NKAIN3: variants seen among roughly 807,000 people sequenced by gnomAD.
The protein encoded by NKAIN3 is sodium/potassium-transporting ATPase subunit beta-1-interacting protein 3.
A neutral mutation model predicts 30.2 loss-of-function variants in NKAIN3; 25 were observed. The ratio of observed to expected loss-of-function variants is 0.83; its 90% confidence interval spans 0.60 to 1.16. The LOEUF (loss-of-function observed/expected upper bound fraction) is 1.16. Among genes scored for constraint, NKAIN3 ranks in the 50% most tolerant of loss-of-function variants. The pLI is 0.00. For missense variants in NKAIN3, 225 were observed against 254.1 expected (o/e 0.89, Z 0.78); for synonymous variants, 91 against 89.6 (o/e 1.02, Z -0.09).
chr8:62,622,293 A>G (rs142070811), intron 3 of NKAIN3, among the ~76,000 whole-genome samples: 1 of 152,162 alleles, frequency 6.6e-6, no homozygotes, highest in Non-Finnish European at 1.5e-5. Context: ...TTTCTCTGTG[A>G]TAAATGCCCG....
Position 62,965,884 on chromosome 8 carries a change from A to T in NKAIN3, c.*477A>T. 9 of 985,338 alleles carry T rather than the reference A, an allele frequency of 9.1e-6. No homozygotes were observed. The South Asian group carries it at 4.2e-4, about 46-fold the overall frequency. The allele number at this position is 985,338 out of a possible 1,614,324, so 61.0% of individuals were successfully genotyped here. On this transcript the variant is annotated 3_prime_UTR_variant, in exon 7 of 7. Transcript: ENST00000623646. Reference sequence around the variant, plus strand: ...CTGTGACAGCTGATAAATAGGTACAAATAATGGATCCAGCTTTTGGATTGA... The same window carrying T: ...CTGTGACAGCTGATAAATAGGTACATATAATGGATCCAGCTTTTGGATTGA...
chr8:62,786,171 T>G (rs540582168), intron 4 of NKAIN3, among the ~76,000 whole-genome samples: 12 of 152,066 alleles, frequency 7.9e-5, no homozygotes, highest in Admixed American at 3.9e-4. Context: ...AAAATGGAGA[T>G]AGATGATACT....
At chr8:62,997,458 A>G (rs1001481168) in intron 5 of NKAIN3, among the ~76,000 whole-genome samples, 6 of 152,176 alleles carry the variant, frequency 3.9e-5, no homozygotes, top group African/African-American at 1.4e-4. Flanking sequence ...TCAATAATAC[A>G]CAAGGCACTT....
intron 3 of NKAIN3, among the ~76,000 whole-genome samples, chr8:62,607,162 A>G (rs562996232): frequency 1.3e-5 from 2 of 152,312 alleles, no homozygotes; most frequent in Non-Finnish European, 2.9e-5. Flanking sequence ...ACCACAGGCA[A>G]CAATTTACAG....
At chr8:62,734,950 C>T (rs558877563) in intron 3 of NKAIN3, among the ~76,000 whole-genome samples, 1 of 152,258 alleles carries the variant, frequency 6.6e-6, no homozygotes, top group African/African-American at 2.4e-5. Context: ...CTGGCTTGTG[C>T]GGTTTCTGCT....
chr8:62,481,507 A>G lies in NKAIN3; in HGVS notation c.55-98032A>G, dbSNP rs74374407. Among the ~76,000 whole-genome samples the G allele has an allele frequency of 3.2e-4, 48 of 152,318 alleles. No homozygotes were observed. The East Asian group carries it at 8.9e-3, about 28-fold the overall frequency. Reference sequence around the variant, plus strand: ...GTGTTATCCTGACTAGACCTATGAGATGCTTGAGGGCTGGGCCTGGGTCTT... The same window carrying G: ...GTGTTATCCTGACTAGACCTATGAGGTGCTTGAGGGCTGGGCCTGGGTCTT... On this transcript the variant is annotated intron_variant, in intron 1 of 6. Coordinates refer to ENST00000623646, the MANE Select transcript of NKAIN3 (RefSeq NM_001304533.3).
At chr8:62,997,608 A>T (rs1804147476) in intron 5 of NKAIN3, among the ~76,000 whole-genome samples, 1 of 152,226 alleles carries the variant, frequency 6.6e-6, no homozygotes, top group Non-Finnish European at 1.5e-5. Flanking sequence ...CACCAGCTGT[A>T]AATTATATCA....
rs967231364 is a variant in NKAIN3, at chr8:62,572,905, A to G, written c.55-6634A>G. On this transcript the variant is annotated intron_variant, in intron 1 of 6. Coordinates refer to ENST00000623646, the MANE Select transcript of NKAIN3 (RefSeq NM_001304533.3). ...CCACATCAATGTGTCAATAAGAAAC[A>G]TTGTATTTTAAAGGCACTCCCATTT... is the stretch of plus-strand genomic sequence containing the variant. Among the ~76,000 whole-genome samples, 11 of 152,150 alleles carry G rather than the reference A, an allele frequency of 7.2e-5. 1 individual carries two copies. The highest frequency in any genetic ancestry group is 2.7e-4 in the African/African-American group (11 of 41,442).
intron 4 of NKAIN3, chr8:62,857,013 C>T: frequency 1.9e-6 from 1 of 521,022 alleles, no homozygotes; most frequent in Non-Finnish European, 3.8e-6. Flanking sequence ...CCACTTGCTT[C>T]AAGGTTCTCT....
chr8:62,704,261 A>G (rs1393056693), intron 3 of NKAIN3, among the ~76,000 whole-genome samples: 1 of 152,114 alleles, frequency 6.6e-6, no homozygotes, highest in Admixed American at 6.6e-5. Context: ...TTTAGTTTAC[A>G]TTACAATATG....
intron 1 of NKAIN3, among the ~76,000 whole-genome samples, chr8:62,394,981 GTC>G (rs1817700993): frequency 3.1e-5 from 4 of 129,674 alleles, no homozygotes; most frequent in Admixed American, 7.6e-5. Context: ...TCCCAGACGG[GTC>G]GGCGGCCGGA....
intron 3 of NKAIN3, among the ~76,000 whole-genome samples, chr8:62,614,694 G>T (rs996880055): frequency 4.6e-5 from 7 of 152,146 alleles, no homozygotes; most frequent in African/African-American, 1.4e-4. Flanking sequence ...TTGTATTGTG[G>T]CTGAGCTGGC....
intron 4 of NKAIN3, among the ~76,000 whole-genome samples, chr8:62,762,002 A>G (rs917999180): frequency 1.3e-5 from 2 of 152,202 alleles, no homozygotes; most frequent in East Asian, 1.9e-4. Flanking sequence ...TTATCAGAAT[A>G]GCCTAGGCAG....
chr8:62,330,689 T>G (rs1324077058), intron 1 of NKAIN3, among the ~76,000 whole-genome samples: 2 of 151,954 alleles, frequency 1.3e-5, no homozygotes, highest in Non-Finnish European at 2.9e-5. Context: ...ATTTTACATA[T>G]CTAATGCCCA....
At chr8:62,783,508 G>T (rs1045996902) in intron 4 of NKAIN3, among the ~76,000 whole-genome samples, 1 of 151,778 alleles carries the variant, frequency 6.6e-6, no homozygotes, top group Non-Finnish European at 1.5e-5. Flanking sequence ...CAGAGAATTA[G>T]CAAGGATATA....
intron 4 of NKAIN3, among the ~76,000 whole-genome samples, chr8:62,870,272 A>ATATCTATAGATATCTATATC (rs1820579218): frequency 1.6e-5 from 2 of 124,732 alleles, no homozygotes; most frequent in Non-Finnish European, 3.3e-5. Flanking sequence ...CTATATATAG[A>ATATCTATAGATATCTATATC]TATATATAAA....
At chr8:62,420,372 TAGTC>T (rs1432971881) in intron 1 of NKAIN3, among the ~76,000 whole-genome samples, 1 of 152,160 alleles carries the variant, frequency 6.6e-6, no homozygotes, top group East Asian at 1.9e-4. Flanking sequence ...TCCAATTACA[TAGTC>T]AATTAGTATT....
At chr8:62,906,329 T>C (rs965808597) in intron 4 of NKAIN3, among the ~76,000 whole-genome samples, 1 of 152,216 alleles carries the variant, frequency 6.6e-6, no homozygotes, top group African/African-American at 2.4e-5. Flanking sequence ...ACGTTACATA[T>C]AGAAGCTTTC....
intron 1 of NKAIN3, among the ~76,000 whole-genome samples, chr8:62,338,956 A>T (rs759771903): frequency 2.0e-5 from 3 of 152,034 alleles, no homozygotes; most frequent in Non-Finnish European, 4.4e-5. Context: ...AATCCTTTGC[A>T]TCCTTCAATC....
Sources: allele counts gnomAD v4.1 joint callset (sites outside exome capture counted in the v4.1 genomes callset), GRCh38; gene constraint gnomAD v4.1.1; transcripts MANE v1.5; gene names NCBI Gene and HGNC (gene_info 2026-07-23, HGNC 2026-07-21).